Variants in LYPD6 observed in about 807,000 individuals in gnomAD.
LYPD6 encodes the protein ly6/PLAUR domain-containing protein 6.
Under a neutral mutation model 22.7 loss-of-function variants are expected in LYPD6, and 15 were observed. That is an observed-to-expected ratio of 0.66 (90% CI 0.44 to 1.02). LYPD6 has a LOEUF of 1.02. Among genes scored for constraint, LYPD6 ranks in the 50% least tolerant of loss-of-function variants. The pLI, the probability that LYPD6 is intolerant of heterozygous loss-of-function variation, is 0.00. For synonymous variants in LYPD6, 72 were observed against 77.5 expected (o/e 0.93, Z 0.37); for missense variants, 189 against 208.4 (o/e 0.91, Z 0.57).
At chr2:149,378,565 G>A (rs1681985905) in intron 1 of LYPD6, among the ~76,000 whole-genome samples, 2 of 152,206 alleles carry the variant, frequency 1.3e-5, no homozygotes, top group Non-Finnish European at 2.9e-5. Flanking sequence ...TCTGTAAGGT[G>A]CTATGTGGTT....
chr2:149,393,792 A>C (rs1172755660), intron 1 of LYPD6, among the ~76,000 whole-genome samples: 1 of 152,234 alleles, frequency 6.6e-6, no homozygotes, highest in African/African-American at 2.4e-5. Context: ...GAGACTGGAG[A>C]CATTTTAAAA....
chr2:149,399,099 A>G (rs186356243), intron 1 of LYPD6, among the ~76,000 whole-genome samples: 1 of 149,196 alleles, frequency 6.7e-6, no homozygotes, highest in Admixed American at 6.7e-5. Context: ...GGAAGGTGTT[A>G]AAAAAAAAAT....
At chr2:149,453,218 A>G (rs187867516) in intron 3 of LYPD6, among the ~76,000 whole-genome samples, 10 of 152,366 alleles carry the variant, frequency 6.6e-5, no homozygotes, top group Admixed American at 6.5e-4. Context: ...AGCCAATTGA[A>G]GGAACTGATG....
the LYPD6 span, among the ~76,000 whole-genome samples, chr2:149,480,876 G>T: frequency 9.9e-5 from 15 of 152,118 alleles, 1 homozygote; most frequent in African/African-American, 3.6e-4. Flanking sequence ...TAAAGGCCCA[G>T]CCCCCATCAC....
downstream of LYPD6, among the ~76,000 whole-genome samples, chr2:149,474,319 C>T (rs533588772): frequency 6.6e-6 from 1 of 152,220 alleles, no homozygotes; most frequent in East Asian, 1.9e-4. Context: ...CTGCCTCAGC[C>T]TCCCGAGTAG....
At chr2:149,444,765 T>TTGCTG (rs1683648304) in intron 2 of LYPD6, among the ~76,000 whole-genome samples, 1 of 152,184 alleles carries the variant, frequency 6.6e-6, no homozygotes, top group Non-Finnish European at 1.5e-5. Context: ...TCTAGTTCTC[T>TTGCTG]TGCTGTGTCC....
the LYPD6 span, among the ~76,000 whole-genome samples, chr2:149,481,084 T>C: frequency 6.6e-6 from 1 of 152,200 alleles, no homozygotes; most frequent in Middle Eastern, 3.2e-3. Context: ...CAGAGCCTCC[T>C]TCTCAAGAGT....
chr2:149,450,734 C>T (rs2105163999), intron 3 of LYPD6, among the ~76,000 whole-genome samples: 2 of 152,324 alleles, frequency 1.3e-5, no homozygotes, highest in South Asian at 4.1e-4. Context: ...GCTTCTCAGA[C>T]TTGGCTGTCT....
At chr2:149,355,969 C>G (rs1681440703) in intron 1 of LYPD6, among the ~76,000 whole-genome samples, 1 of 152,040 alleles carries the variant, frequency 6.6e-6, no homozygotes, top group South Asian at 2.1e-4. Flanking sequence ...TGAACTGTGC[C>G]ACCCCTCTGT....
At chr2:149,478,802 C>T (rs1443353312), downstream of LYPD6, among the ~76,000 whole-genome samples, 3 of 152,090 alleles carry the variant, frequency 2.0e-5, no homozygotes, top group African/African-American at 7.2e-5. Context: ...TATTTTTCCA[C>T]CTGCTACCTG....
In LYPD6 at chr2:149,330,720, C is replaced by G. The variant is rs1342123990; in HGVS notation, c.-74C>G. On this transcript the variant is annotated splice_region_variant and 5_prime_UTR_variant, in exon 1 of 5. Coordinates refer to ENST00000334166, the MANE Select transcript of LYPD6 (RefSeq NM_194317.5). ...TGGCGGCCGGAATCCGCGCGCAGCC[C>G]GGGTGAGTAGAGGCGGGCTTCCCGG... The G allele has an allele frequency of 6.6e-6, 1 of 152,196 alleles. No individual in the cohort carries two copies. The highest frequency in any genetic ancestry group is 1.5e-5 in the Non-Finnish European group (1 of 68,198). 9.4% of individuals were successfully genotyped at this position (152,196 alleles called of 1,614,324 possible).
chr2:149,359,275 G>T (rs1681524781), intron 1 of LYPD6, among the ~76,000 whole-genome samples: 2 of 152,178 alleles, frequency 1.3e-5, no homozygotes, highest in African/African-American at 2.4e-5. Flanking sequence ...GGGTGTCCAG[G>T]CTAATGGGAG....
At chr2:149,347,395 T>A (rs1328414142) in intron 1 of LYPD6, among the ~76,000 whole-genome samples, 1 of 152,100 alleles carries the variant, frequency 6.6e-6, no homozygotes, top group African/African-American at 2.4e-5. Flanking sequence ...CTTTTTTAGG[T>A]TGGGCAGGGA....
chr2:149,354,028 G>T (rs1681406445), intron 1 of LYPD6, among the ~76,000 whole-genome samples: 2 of 152,118 alleles, frequency 1.3e-5, no homozygotes, highest in Non-Finnish European at 2.9e-5. Context: ...TAGTGATAGG[G>T]TCTGGTGTCA....
chr2:149,343,456 C>T (rs1681199509), intron 1 of LYPD6, among the ~76,000 whole-genome samples: 1 of 152,150 alleles, frequency 6.6e-6, no homozygotes, highest in South Asian at 2.1e-4. Flanking sequence ...TCTGCCACTC[C>T]CAGCTTCAAA....
Position 149,444,590 on chromosome 2 carries a change from T to C in LYPD6, c.119-4459T>C, listed in dbSNP as rs151297765. On this transcript the variant is annotated intron_variant, in intron 2 of 4. Coordinates refer to ENST00000334166, the MANE Select transcript of LYPD6 (RefSeq NM_194317.5). ...ACAGTTCTATGATGTTCTAAATCCTTTTTTGTCATTTCAACAATGTTCACA... is the reference window on the plus strand; with the variant it reads ...ACAGTTCTATGATGTTCTAAATCCTCTTTTGTCATTTCAACAATGTTCACA... 2.8e-4 allele frequency among the ~76,000 whole-genome samples: 43 copies of C among 152,334 alleles called. No individual in the cohort carries two copies. In the East Asian group the frequency reaches 7.3e-3, roughly 26 times the overall value.
intron 1 of LYPD6, among the ~76,000 whole-genome samples, chr2:149,381,509 T>C (rs1682063576): frequency 6.6e-6 from 1 of 152,132 alleles, no homozygotes; most frequent in Non-Finnish European, 1.5e-5. Flanking sequence ...GCCAGTTCTT[T>C]TCTGATTGCT....
intron 1 of LYPD6, among the ~76,000 whole-genome samples, chr2:149,343,864 A>C (rs1426072424): frequency 6.6e-6 from 1 of 152,192 alleles, no homozygotes; most frequent in East Asian, 1.9e-4. Flanking sequence ...CCTGTAAGGA[A>C]AAACACTGGT....
chr2:149,439,303 G>T (rs1025744023), intron 2 of LYPD6, among the ~76,000 whole-genome samples: 1 of 152,126 alleles, frequency 6.6e-6, no homozygotes, highest in Non-Finnish European at 1.5e-5. Context: ...GACTTATCTG[G>T]CTGCTTGTTT....
Sources: allele counts gnomAD v4.1 joint callset (sites outside exome capture counted in the v4.1 genomes callset), GRCh38; gene constraint gnomAD v4.1.1; transcripts MANE v1.5; gene names NCBI Gene and HGNC (gene_info 2026-07-23, HGNC 2026-07-21).